NAALADL2: variants seen among roughly 807,000 people sequenced by gnomAD.
NAALADL2 encodes the protein N-acetylated alpha-linked acidic dipeptidase like 2, also known as inactive N-acetylated-alpha-linked acidic dipeptidase-like protein 2.
In NAALADL2, 76 loss-of-function variants were observed where a neutral mutation model predicts 87.2. The ratio of observed to expected loss-of-function variants is 0.87; its 90% CI spans 0.72 to 1.05. The LOEUF (loss-of-function observed/expected upper bound fraction) is 1.05, where lower values mean the gene tolerates loss of function less well. NAALADL2 is among the 50% of genes least tolerant of loss of function. NAALADL2 has a pLI of 0.00. For synonymous variants in NAALADL2, 354 were observed against 331.0 expected, an observed-to-expected ratio of 1.07 and a Z score of -0.75; for missense variants, 1,089 against 945.8, an observed-to-expected ratio of 1.15 and a Z score of -1.99.
At chr3:175,204,145 A>C (rs889696141) in intron 2 of NAALADL2, among the ~76,000 whole-genome samples, 1 of 152,202 alleles carries the variant, frequency 6.6e-6, no homozygotes, top group Admixed American at 6.5e-5. Context: ...ATAAGCAAAA[A>C]AGAAAACTAC....
At chr3:174,682,159 G>T (rs478992) in intron 2 of NAALADL2, among the ~76,000 whole-genome samples, 113,562 of 152,076 alleles carry the variant, frequency 0.75, 42,626 homozygotes, top group East Asian at 0.89. Context: ...GTCTTGCAAA[G>T]TGGATACCAG....
intron 3 of NAALADL2, among the ~76,000 whole-genome samples, chr3:174,838,880 C>T (rs1194338071): frequency 6.6e-6 from 1 of 152,156 alleles, no homozygotes; most frequent in Non-Finnish European, 1.5e-5. Context: ...ATCCCAAGCT[C>T]ATGGATGGGT....
intron 3 of NAALADL2, among the ~76,000 whole-genome samples, chr3:175,255,370 T>C (rs1749756301): frequency 6.6e-6 from 1 of 152,212 alleles, no homozygotes; most frequent in Admixed American, 6.5e-5. Context: ...GTATGAAACT[T>C]GTTGAAGTGC....
At chr3:175,311,975 C>T (rs935460636) in intron 4 of NAALADL2, among the ~76,000 whole-genome samples, 1 of 151,998 alleles carries the variant, frequency 6.6e-6, no homozygotes, top group African/African-American at 2.4e-5. Context: ...GTGATTATGC[C>T]TTGGATATAC....
chr3:174,794,981 C>CTTTTTTTTTTT lies in NAALADL2; in HGVS notation c.-9+57252_-9+57262dup, dbSNP rs772447340. On this transcript the variant is annotated intron_variant, in intron 3 of 3. Transcript: ENST00000434257. Reference sequence around the variant, plus strand: ...TTAAAAGTTGAAACTTCTAGTCCAGCTTTTTTTTTTTTTTTTTTTTTTTTT... The same window carrying CTTTTTTTTTTT: ...TTAAAAGTTGAAACTTCTAGTCCAGCTTTTTTTTTTTTTTTTTTTTTTTTTTTTTTTTTTTT... Among the ~76,000 whole-genome samples, 40 of 66,704 alleles carry CTTTTTTTTTTT rather than the reference C, an allele frequency of 6.0e-4. 8 individuals are homozygous for CTTTTTTTTTTT. The highest frequency in any genetic ancestry group is 1.1e-3 in the African/African-American group (18 of 16,900). 43.8% of individuals were successfully genotyped at this position (66,704 alleles called of 152,430 possible).
intron 1 of NAALADL2, among the ~76,000 whole-genome samples, chr3:175,057,418 G>A (rs778759564): frequency 6.6e-5 from 10 of 152,082 alleles, no homozygotes; most frequent in African/African-American, 1.2e-4. Flanking sequence ...CCCTCACCCC[G>A]GTTGCCATAT....
intron 9 of NAALADL2, among the ~76,000 whole-genome samples, chr3:175,492,615 T>A: frequency 6.6e-6 from 1 of 152,156 alleles, no homozygotes; most frequent in East Asian, 1.9e-4. Flanking sequence ...TTCCAAGCAT[T>A]AATAGATCGT....
intron 5 of NAALADL2, among the ~76,000 whole-genome samples, chr3:175,333,548 C>T (rs1761647979): frequency 6.6e-6 from 1 of 152,076 alleles, no homozygotes; most frequent in African/African-American, 2.4e-5. Flanking sequence ...GTCAATATGT[C>T]ATGTGAAATA....
intron 2 of NAALADL2, among the ~76,000 whole-genome samples, chr3:174,551,830 T>C (rs1239168189): frequency 1.3e-5 from 2 of 152,246 alleles, no homozygotes; most frequent in Non-Finnish European, 2.9e-5. Context: ...CTGAGTTTTA[T>C]TGATATTCAG....
At chr3:174,499,908 G>C (rs956880127) in intron 1 of NAALADL2, among the ~76,000 whole-genome samples, 8 of 151,864 alleles carry the variant, frequency 5.3e-5, no homozygotes, top group African/African-American at 1.9e-4. Flanking sequence ...GGCTAGTCTA[G>C]GTTATTTGGA....
chr3:175,000,047 A>G (rs1748023924), intron 1 of NAALADL2, among the ~76,000 whole-genome samples: 1 of 152,204 alleles, frequency 6.6e-6, no homozygotes, highest in South Asian at 2.1e-4. Context: ...ATGTAAATTA[A>G]TTCTCCAGTT....
At chr3:175,061,725 A>C (rs1020670772) in intron 1 of NAALADL2, among the ~76,000 whole-genome samples, 2 of 131,384 alleles carry the variant, frequency 1.5e-5, no homozygotes, top group African/African-American at 6.2e-5. Flanking sequence ...GCTCACTTGC[A>C]CAAATATATA....
rs540147495 is a variant in NAALADL2, at chr3:174,704,488, TATTA to T, written c.-114-33148_-114-33145del. Among the ~76,000 whole-genome samples the T allele has an allele frequency of 6.6e-4, 100 of 152,262 alleles. 1 individual carries two copies. The highest frequency in any genetic ancestry group is 8.3e-4 in the South Asian group (4 of 4,822). ...TACTGAATTTAATTTAATTTTGAAT[TATTA>T]ATTATAAATTCATGCAAATAAATTT... On this transcript the variant is annotated intron_variant, in intron 2 of 3. Coordinates refer to the NAALADL2 transcript ENST00000434257.
At position 175,667,223 on chromosome 3, in the gene NAALADL2, G is replaced by GAAAGAA. The variant is rs1553945308; in HGVS notation, c.1896+39839_1896+39844dup. 9.4e-5 allele frequency among the ~76,000 whole-genome samples: 12 copies of GAAAGAA among 127,080 alleles called. No individual in the cohort carries two copies. The East Asian group carries it at 2.5e-3, about 27-fold the overall frequency. The allele number at this position is 127,080 out of a possible 152,430, so 83.4% of individuals were successfully genotyped here. ...AGAAAGAAAGAAAGAAAGAAAGAAA[G>GAAAGAA]AAAGAAAGAAAGAAAGAAAAAGAAA... On this transcript the variant is annotated intron_variant, in intron 11 of 13. Coordinates refer to ENST00000454872, the MANE Select transcript of NAALADL2 (RefSeq NM_207015.3).
At chr3:174,984,837 A>G (rs1293933084) in intron 1 of NAALADL2, among the ~76,000 whole-genome samples, 1 of 152,214 alleles carries the variant, frequency 6.6e-6, no homozygotes, top group Non-Finnish European at 1.5e-5. Flanking sequence ...CAGATTCCAT[A>G]CATTATTCCT....
chr3:175,684,825 T>C (rs1282791902), intron 11 of NAALADL2, among the ~76,000 whole-genome samples: 1 of 152,090 alleles, frequency 6.6e-6, no homozygotes, highest in Non-Finnish European at 1.5e-5. Context: ...TGTTTAAAGA[T>C]CCATATTAAA....
intron 3 of NAALADL2, among the ~76,000 whole-genome samples, chr3:175,244,798 T>C (rs972890844): frequency 6.6e-5 from 10 of 152,196 alleles, no homozygotes; most frequent in African/African-American, 2.4e-4. Flanking sequence ...TGACTTCCCC[T>C]ATTAAAGTAA....
intron 1 of NAALADL2, among the ~76,000 whole-genome samples, chr3:174,863,236 G>A (rs928809815): frequency 6.6e-5 from 10 of 152,040 alleles, no homozygotes; most frequent in African/African-American, 2.2e-4. Context: ...GCAGTTTTAC[G>A]GAAGAATTTG....
chr3:175,513,839 G>T (rs565137464), intron 9 of NAALADL2, among the ~76,000 whole-genome samples: 1 of 152,302 alleles, frequency 6.6e-6, no homozygotes, highest in South Asian at 2.1e-4. Flanking sequence ...CCAAGGTCAA[G>T]GAGTCCTGTC....
Sources: gnomAD v4.1 joint callset for allele counts (sites outside exome capture counted in the v4.1 genomes callset) on GRCh38, gnomAD v4.1.1 for gene constraint, MANE v1.5 for transcripts, NCBI Gene and HGNC (gene_info 2026-07-23, HGNC 2026-07-21) for gene names.